Variants in RANBP9 observed in about 807,000 individuals in gnomAD.
RANBP9 encodes RAN binding protein 9.
RANBP9 carries 15 observed loss-of-function variants against 84.3 expected under a neutral mutation model. The observed-to-expected ratio is 0.18, with a 90% CI of 0.12 to 0.27. The LOEUF is 0.27. Ranked by LOEUF, RANBP9 falls within the 10% of genes least tolerant of loss-of-function variation. The pLI is 1.00. For missense variants in RANBP9, 809 were observed against 912.8 expected, an observed-to-expected ratio of 0.89 and a Z score of 1.46; for synonymous variants, 392 against 349.6, an observed-to-expected ratio of 1.12 and a Z score of -1.35.
intron 2 of RANBP9, among the ~76,000 whole-genome samples, chr6:13,672,639 T>C (rs1765800408): frequency 6.6e-6 from 1 of 151,866 alleles, no homozygotes; most frequent in Non-Finnish European, 1.5e-5. Context: ...CAACAAAAAA[T>C]TGCAAGGCAT....
At chr6:13,685,045 C>G (rs1448560836) in intron 2 of RANBP9, among the ~76,000 whole-genome samples, 1 of 152,174 alleles carries the variant, frequency 6.6e-6, no homozygotes, top group Non-Finnish European at 1.5e-5. Context: ...ACAACAAGGT[C>G]TCTCCCACCC....
intron 2 of RANBP9, among the ~76,000 whole-genome samples, chr6:13,666,600 CAAAAAAAAAA>C (rs70989878): frequency 0.011 from 494 of 43,738 alleles, 7 homozygotes; most frequent in South Asian, 0.054. Flanking sequence ...CCCGTCTCTC[CAAAAAAAAAA>C]AAAAAAAAAA....
chr6:13,699,973 C>A (rs1324767238), intron 1 of RANBP9, among the ~76,000 whole-genome samples: 3 of 152,206 alleles, frequency 2.0e-5, no homozygotes. Flanking sequence ...TAACAATGCT[C>A]ATCACCTGAA....
In RANBP9 at chr6:13,652,689, G is replaced by GAA. The variant is rs768983037; in HGVS notation, c.905-10_905-9dup. 1.8e-5 allele frequency: 25 copies of GAA among 1,412,570 alleles called. No individual in the cohort carries two copies. The highest frequency in any genetic ancestry group is 1.0e-4 in the Admixed American group (5 of 48,032). The allele number at this position is 1,412,570 out of a possible 1,614,324, so 87.5% of individuals were successfully genotyped here. ...GGTCAGTGAAAGCAATACCTAAAAAGAAAAAAAAAAGTGGCATTAGAAGCT... is the reference window on the plus strand; with the variant it reads ...GGTCAGTGAAAGCAATACCTAAAAAGAAAAAAAAAAAAGTGGCATTAGAAGCT... On this transcript the variant is annotated splice_polypyrimidine_tract_variant and intron_variant, in intron 4 of 13. Coordinates refer to ENST00000011619, the MANE Select transcript of RANBP9 (RefSeq NM_005493.3).
intron 2 of RANBP9, among the ~76,000 whole-genome samples, chr6:13,676,449 A>C (rs1244730598): frequency 2.6e-5 from 4 of 152,098 alleles, no homozygotes; most frequent in African/African-American, 9.7e-5. Context: ...TTTCTAAGTC[A>C]TTCTGAGTCT....
At chr6:13,698,818 G>A (rs894629463) in intron 1 of RANBP9, among the ~76,000 whole-genome samples, 7 of 152,060 alleles carry the variant, frequency 4.6e-5, no homozygotes, top group African/African-American at 7.2e-5. Context: ...TGCTAAAAGC[G>A]AATTCCAAAC....
intron 8 of RANBP9, among the ~76,000 whole-genome samples, chr6:13,640,505 T>G (rs775612022): frequency 6.6e-6 from 1 of 152,162 alleles, no homozygotes; most frequent in South Asian, 2.1e-4. Flanking sequence ...GAAGCAAACT[T>G]TAAGTGTCCA....
chr6:13,677,391 G>A (rs550291060), intron 2 of RANBP9, among the ~76,000 whole-genome samples: 1 of 152,230 alleles, frequency 6.6e-6, no homozygotes, highest in Admixed American at 6.5e-5. Context: ...TGGACAGGAA[G>A]ACTCAAATTT....
intron 2 of RANBP9, among the ~76,000 whole-genome samples, chr6:13,671,132 T>C (rs1765770779): frequency 6.6e-6 from 1 of 152,180 alleles, no homozygotes; most frequent in Non-Finnish European, 1.5e-5. Flanking sequence ...TCATTTTACA[T>C]ACACTAGGAT....
intron 2 of RANBP9, among the ~76,000 whole-genome samples, chr6:13,678,078 A>C (rs1245073607): frequency 6.6e-6 from 1 of 152,202 alleles, no homozygotes; most frequent in African/African-American, 2.4e-5. Context: ...TGATCACGTC[A>C]CTGTACTCCA....
chr6:13,708,710 T>C (rs749761971), intron 1 of RANBP9, among the ~76,000 whole-genome samples: 2 of 152,094 alleles, frequency 1.3e-5, no homozygotes, highest in Non-Finnish European at 2.9e-5. Context: ...CTACTCTCTA[T>C]GATACTTCTC....
chr6:13,645,934 T>C (rs1562303019), intron 5 of RANBP9, among the ~76,000 whole-genome samples: 2 of 152,024 alleles, frequency 1.3e-5, no homozygotes, highest in African/African-American at 4.8e-5. Flanking sequence ...AAATATTACA[T>C]CAAAATATCA....
chr6:13,624,373 C>G (rs1347876383), intron 13 of RANBP9, among the ~76,000 whole-genome samples: 1 of 152,162 alleles, frequency 6.6e-6, no homozygotes, highest in African/African-American at 2.4e-5. Context: ...GCACTGCCCT[C>G]ATCTTCCTAA....
intron 9 of RANBP9, 51 bp downstream of exon 9, chr6:13,639,512 A>C: frequency 6.6e-7 from 1 of 1,519,454 alleles, no homozygotes; most frequent in Non-Finnish European, 9.1e-7. Flanking sequence ...AAAAAGGTTT[A>C]AGATTATAAA....
intron 2 of RANBP9, among the ~76,000 whole-genome samples, chr6:13,696,013 T>C (rs976388320): frequency 6.6e-6 from 1 of 152,150 alleles, no homozygotes. Context: ...ACCTCTGATA[T>C]GCAATAAAGT....
At chr6:13,677,548 T>C (rs1765922006) in intron 2 of RANBP9, among the ~76,000 whole-genome samples, 1 of 152,178 alleles carries the variant, frequency 6.6e-6, no homozygotes, top group South Asian at 2.1e-4. Context: ...ATTATGAATA[T>C]AATAAGACTT....
intron 5 of RANBP9, among the ~76,000 whole-genome samples, chr6:13,645,532 G>A (rs1045972574): frequency 2.6e-5 from 4 of 152,144 alleles, no homozygotes; most frequent in Non-Finnish European, 5.9e-5. Context: ...TTTCTGAGTG[G>A]CTACTAAATG....
At chr6:13,641,334 T>C (rs745873194) in intron 7 of RANBP9, 27 bp from the exon 8 acceptor site, 34 of 1,414,908 alleles carry the variant, frequency 2.4e-5, no homozygotes, top group Non-Finnish European at 3.3e-5. Context: ...AGCAAACGAT[T>C]AACTTTTACA....
At chr6:13,660,204 G>C (rs778622958) in intron 2 of RANBP9, among the ~76,000 whole-genome samples, 12 of 152,166 alleles carry the variant, frequency 7.9e-5, no homozygotes, top group Non-Finnish European at 1.5e-4. Flanking sequence ...GATAACTGGA[G>C]AGCATAAAAA....
Sources: allele counts gnomAD v4.1 joint callset (sites outside exome capture counted in the v4.1 genomes callset), GRCh38; gene constraint gnomAD v4.1.1; transcripts MANE v1.5; gene names NCBI Gene and HGNC (gene_info 2026-07-23, HGNC 2026-07-21).